FIBCD1: variants seen among roughly 807,000 people sequenced by gnomAD.
FIBCD1 encodes fibrinogen C domain containing 1.
A neutral mutation model predicts 45.1 loss-of-function variants in FIBCD1; 47 were observed. That is an observed-to-expected ratio of 1.04 (90% confidence interval 0.82 to 1.33). The LOEUF is 1.33. Among genes scored for constraint, FIBCD1 ranks in the 40% most tolerant of loss-of-function variants. FIBCD1 has a pLI of 0.00. For missense variants in FIBCD1, 653 were observed against 682.2 expected, an observed-to-expected ratio of 0.96 and a Z score of 0.48; for synonymous variants, 313 against 308.1, an observed-to-expected ratio of 1.02 and a Z score of -0.17.
intron 4 of FIBCD1, among the ~76,000 whole-genome samples, chr9:130,912,775 T>C (rs899569219): frequency 6.6e-6 from 1 of 151,146 alleles, no homozygotes; most frequent in Non-Finnish European, 1.5e-5. Context: ...CACTTTGCTC[T>C]GGGCTTCGGT....
chr9:130,910,550 G>A (rs964384387), intron 5 of FIBCD1, among the ~76,000 whole-genome samples: 1 of 152,262 alleles, frequency 6.6e-6, no homozygotes, highest in African/African-American at 2.4e-5. Context: ...CTGCAGTCCC[G>A]GTGCGGGATC....
At chr9:130,933,896 G>A (rs1211649746) in intron 1 of FIBCD1, 1 of 152,570 alleles carries the variant, frequency 6.6e-6, no homozygotes, top group Non-Finnish European at 1.5e-5. Context: ...TTCCCTCCGG[G>A]GGAGGCCAGG....
At chr9:130,933,128 AG>A (rs1832466525) in intron 1 of FIBCD1, among the ~76,000 whole-genome samples, 1 of 152,230 alleles carries the variant, frequency 6.6e-6, no homozygotes. Flanking sequence ...CCCTAGAGGC[AG>A]GGGGACAGCG....
At chr9:130,906,710 G>A (rs1188781281) in intron 5 of FIBCD1, among the ~76,000 whole-genome samples, 1 of 152,242 alleles carries the variant, frequency 6.6e-6, no homozygotes, top group Non-Finnish European at 1.5e-5. Flanking sequence ...ACACAAAAGG[G>A]CAGGTGGGAG....
intron 4 of FIBCD1, among the ~76,000 whole-genome samples, chr9:130,916,271 T>C (rs1487485862): frequency 2.0e-5 from 3 of 151,144 alleles, no homozygotes; most frequent in Non-Finnish European, 4.4e-5. Context: ...TCCACTCTAT[T>C]TGATTGAAAA....
At chr9:130,920,061 C>T (rs1276567153) in intron 4 of FIBCD1, among the ~76,000 whole-genome samples, 1 of 152,152 alleles carries the variant, frequency 6.6e-6, no homozygotes, top group Non-Finnish European at 1.5e-5. Context: ...CACAGCCAGC[C>T]CATTCCCCAG....
chr9:130,907,087 A>G (rs1325828892), intron 5 of FIBCD1, among the ~76,000 whole-genome samples: 2 of 152,216 alleles, frequency 1.3e-5, no homozygotes, highest in African/African-American at 4.8e-5. Flanking sequence ...AGAACAAATC[A>G]GATGATGCAG....
intron 5 of FIBCD1, among the ~76,000 whole-genome samples, chr9:130,908,391 G>A (rs755518709): frequency 2.0e-5 from 3 of 152,206 alleles, no homozygotes; most frequent in African/African-American, 4.8e-5. Flanking sequence ...GGGCATCACC[G>A]CTGCTCCAGG....
intron 1 of FIBCD1, among the ~76,000 whole-genome samples, chr9:130,932,927 T>A (rs1832463390): frequency 6.6e-6 from 1 of 152,148 alleles, no homozygotes; most frequent in South Asian, 2.1e-4. Context: ...GGCTGCATCA[T>A]CAGACTGTGT....
intron 2 of FIBCD1, among the ~76,000 whole-genome samples, chr9:130,925,111 G>T (rs1031279500): frequency 1.3e-5 from 2 of 152,116 alleles, no homozygotes; most frequent in East Asian, 1.9e-4. Context: ...GACCAACAAG[G>T]CTCCCCCGTC....
At chr9:130,908,683 G>A (rs1237350777) in intron 5 of FIBCD1, among the ~76,000 whole-genome samples, 1 of 152,214 alleles carries the variant, frequency 6.6e-6, no homozygotes, top group African/African-American at 2.4e-5. Flanking sequence ...AGGTGGGTGT[G>A]AGGCTTTGGG....
intron 4 of FIBCD1, among the ~76,000 whole-genome samples, chr9:130,918,367 G>A (rs1832201147): frequency 6.6e-6 from 1 of 152,148 alleles, no homozygotes; most frequent in Admixed American, 6.5e-5. Context: ...GAAACCCAAG[G>A]AATGGGGGGT....
Position 130,930,550 on chromosome 9 carries a change from G to A in FIBCD1, c.73-504C>T, listed in dbSNP as rs563279896. On this transcript the variant is annotated intron_variant, in intron 1 of 6. Transcript: ENST00000372338. ...CACAAAGACACAAGCAGAATGCCAAGCCTTCCCTCTCGCTGCCCCTGCCAC... is the reference window on the plus strand; with the variant it reads ...CACAAAGACACAAGCAGAATGCCAAACCTTCCCTCTCGCTGCCCCTGCCAC... 3.0e-4 allele frequency among the ~76,000 whole-genome samples: 46 copies of A among 152,152 alleles called. No individual in the cohort carries two copies. In the South Asian group the frequency reaches 3.3e-3, roughly 11 times the overall value.
At chr9:130,907,471 T>C (rs927562292) in intron 5 of FIBCD1, among the ~76,000 whole-genome samples, 2 of 152,126 alleles carry the variant, frequency 1.3e-5, no homozygotes, top group African/African-American at 4.8e-5. Flanking sequence ...AGCTCCCGGC[T>C]CAAATCGCCA....
intron 4 of FIBCD1, among the ~76,000 whole-genome samples, chr9:130,914,076 C>A (rs1588106442): frequency 6.6e-6 from 1 of 152,250 alleles, no homozygotes; most frequent in East Asian, 1.9e-4. Flanking sequence ...AGGCTATGAC[C>A]ATCCACCGAG....
In FIBCD1 at chr9:130,929,713, G is replaced by C; in HGVS notation, c.406C>G (p.Leu136Val). The C allele has an allele frequency of 6.3e-7, 1 of 1,597,482 alleles. No homozygotes were observed. Among genetic ancestry groups the C allele is most frequent in the Non-Finnish European group, 8.5e-7 (1 of 1,173,132 alleles). Residue 136 changes from leucine (L) to valine (V), a missense_variant, in exon 2 of 7, where the codon CTG (leucine) becomes GTG (valine). Coordinates refer to ENST00000372338, the MANE Select transcript of FIBCD1 (RefSeq NM_032843.5). ...PRLVGDQEQE[L>V]LDTLADQLPR... is the part of the protein sequence containing the mutation. The stretch of plus-strand genomic sequence containing the variant: ...AGCTGGTCGGCCAGCGTGTCCAGCA[G>C]CTCCTGCTCCTGGTCGCCCACCAGC...
At chr9:130,938,381 G>T (rs1198474646) in intron 1 of FIBCD1, among the ~76,000 whole-genome samples, 155 bp downstream of exon 1, 1 of 152,224 alleles carries the variant, frequency 6.6e-6, no homozygotes, top group Non-Finnish European at 1.5e-5. Context: ...GCTCGGGGAG[G>T]AGGAGAGGAG....
intron 4 of FIBCD1, among the ~76,000 whole-genome samples, chr9:130,912,390 CT>C (rs1322585139): frequency 1.2e-5 from 1 of 83,850 alleles, no homozygotes; most frequent in African/African-American, 5.7e-5. Context: ...TGGGCTCTCT[CT>C]CAAAAAAAAA....
chr9:130,930,180 A>C (rs1832424187), intron 1 of FIBCD1, 134 bp from the exon 2 acceptor site: 2 of 1,134,282 alleles, frequency 1.8e-6, no homozygotes, highest in Non-Finnish European at 2.4e-6. Flanking sequence ...AGAGACTGAG[A>C]TGAGACAGGC....
Sources: gnomAD v4.1 joint callset for allele counts (sites outside exome capture counted in the v4.1 genomes callset) on GRCh38, gnomAD v4.1.1 for gene constraint, MANE v1.5 for transcripts, NCBI Gene and HGNC (gene_info 2026-07-23, HGNC 2026-07-21) for gene names.